Variants in COL12A1 observed in about 807,000 individuals in gnomAD.
COL12A1 encodes collagen type XII alpha 1 chain, also known as collagen alpha-1(XII) chain.
In COL12A1, 114 loss-of-function variants were observed where a neutral mutation model predicts 349.7. That is an observed-to-expected ratio of 0.33 (90% CI 0.28 to 0.38). COL12A1 has a LOEUF of 0.38. COL12A1 is among the 10% of genes least tolerant of loss of function. The pLI, the probability that COL12A1 is intolerant of heterozygous loss-of-function variation, is 1.00. For missense variants in COL12A1, 3,284 were observed against 3,756.9 expected, an observed-to-expected ratio of 0.87 and a Z score of 3.29; for synonymous variants, 1,369 against 1,329.0, an observed-to-expected ratio of 1.03 and a Z score of -0.66.
chr6:75,187,679 G>A (rs2026388), intron 8 of COL12A1, among the ~76,000 whole-genome samples: 1,976 of 152,218 alleles, frequency 0.013, 39 homozygotes, highest in African/African-American at 0.045. Flanking sequence ...GATTGAAGAT[G>A]TCACTATTTA....
chr6:75,150,635 C>A (rs1767433152), intron 21 of COL12A1, among the ~76,000 whole-genome samples: 2 of 151,916 alleles, frequency 1.3e-5, no homozygotes, highest in Admixed American at 6.6e-5. Context: ...AAAAAGGTAC[C>A]AAAACTGAGG....
intron 13 of COL12A1, 149 bp downstream of exon 13, chr6:75,174,889 G>A (rs1768832328): frequency 1.1e-6 from 1 of 929,860 alleles, no homozygotes; most frequent in African/African-American, 1.7e-5. Flanking sequence ...ATAACAGAGA[G>A]CTTTATGGTT....
At position 75,183,110 on chromosome 6, in the gene COL12A1, C is replaced by G. The variant is rs1478514196; in HGVS notation, c.1831G>C (p.Glu611Gln). 4 of 1,613,980 alleles carry G rather than the reference C, an allele frequency of 2.5e-6. No homozygotes were observed. Among genetic ancestry groups the G allele is most frequent in the Non-Finnish European group, 3.4e-6 (4 of 1,180,024 alleles). Residue 611 changes from glutamate to glutamine, a missense_variant, in exon 10 of 66, where the codon GAA (glutamate) becomes CAA (glutamine). Physicochemically the swap from Glu to Gln is conservative, Grantham distance 29. Coordinates refer to ENST00000322507, the MANE Select transcript of COL12A1 (RefSeq NM_004370.6). Reference protein sequence around the residue: ...DFDAFQRISFELTQSICLRIE... With the variant: ...DFDAFQRISFQLTQSICLRIE... ...CTAAGGCAGATAGACTGTGTGAGTT[C>G]AAAAGATATCCTCTGAAAAGCATCA...
intron 14 of COL12A1, 115 bp downstream of exon 14, chr6:75,165,392 T>C: frequency 1.5e-6 from 2 of 1,346,648 alleles, no homozygotes; most frequent in Non-Finnish European, 2.0e-6. Flanking sequence ...AATTCCTCAG[T>C]CTTCATTTAT....
chr6:75,173,432 A>C (rs1768747621), intron 13 of COL12A1, among the ~76,000 whole-genome samples: 1 of 151,468 alleles, frequency 6.6e-6, no homozygotes, highest in East Asian at 1.9e-4. Flanking sequence ...CCTGGAGTGC[A>C]ATGGTGCAAT....
chr6:75,174,912 A>G (rs1768834249), intron 13 of COL12A1, 126 bp downstream of exon 13: 3 of 1,090,216 alleles, frequency 2.8e-6, no homozygotes, highest in Non-Finnish European at 3.9e-6. Context: ...TTGTTTTTCA[A>G]TATGGATTCT....
chr6:75,198,098 G>C (rs1259508443), intron 2 of COL12A1, among the ~76,000 whole-genome samples: 1 of 152,136 alleles, frequency 6.6e-6, no homozygotes, highest in Non-Finnish European at 1.5e-5. Context: ...GGATTACATG[G>C]TCTGACTACA....
chr6:75,173,286 C>T (rs1582175276), intron 13 of COL12A1, among the ~76,000 whole-genome samples: 1 of 152,142 alleles, frequency 6.6e-6, no homozygotes. Flanking sequence ...GTTGTAAGTA[C>T]TTTAAACACT....
At chr6:75,123,181 G>A in intron 43 of COL12A1, 149 bp downstream of exon 43, 1 of 758,088 alleles carries the variant, frequency 1.3e-6, no homozygotes, top group Non-Finnish European at 2.2e-6. Flanking sequence ...CAAATTACTG[G>A]TTATCTTTTC....
At chr6:75,170,507 T>G (rs1029136507) in intron 13 of COL12A1, among the ~76,000 whole-genome samples, 1 of 152,242 alleles carries the variant, frequency 6.6e-6, no homozygotes, top group Non-Finnish European at 1.5e-5. Flanking sequence ...CTTTAAGCTA[T>G]GCACAGTTCT....
Position 75,147,741 on chromosome 6 carries a change from C to T in COL12A1, c.4351G>A (p.Val1451Ile). 1 of 1,613,542 alleles carries T rather than the reference C, an allele frequency of 6.2e-7. No individual in the cohort carries two copies. Among genetic ancestry groups the T allele is most frequent in the Non-Finnish European group, 8.5e-7 (1 of 1,179,596 alleles). Residue 1451 changes from valine to isoleucine, a missense_variant, in exon 23 of 66, where the codon GTT (valine) becomes ATT (isoleucine). By Grantham distance (29) the Val-to-Ile change is conservative (BLOSUM62 3). Coordinates refer to ENST00000322507, the MANE Select transcript of COL12A1 (RefSeq NM_004370.6). ...LKDLKPETEY[V>I]VNVYSVVEDE... ...TCTACCACAGAATACACATTGACAA[C>T]ATATTCAGTTTCAGGTTTCAGATCT...
chr6:75,112,789 A>G (rs537243913), intron 51 of COL12A1, among the ~76,000 whole-genome samples: 1 of 151,750 alleles, frequency 6.6e-6, no homozygotes, highest in South Asian at 2.1e-4. Context: ...AGCAGAAGAA[A>G]TATCAATTTC....
chr6:75,166,442 G>T (rs998485193), intron 13 of COL12A1, among the ~76,000 whole-genome samples: 1 of 152,144 alleles, frequency 6.6e-6, no homozygotes, highest in Non-Finnish European at 1.5e-5. Context: ...CATACCACTT[G>T]TTCTAGCTGA....
At chr6:75,089,867 A>G (rs546901680) in intron 63 of COL12A1, among the ~76,000 whole-genome samples, 92 of 152,326 alleles carry the variant, frequency 6.0e-4, no homozygotes, top group African/African-American at 1.9e-3. Flanking sequence ...AGTTTTTCCC[A>G]TTAAAAACAA....
At chr6:75,149,317 C>T (rs1265337316) in intron 21 of COL12A1, among the ~76,000 whole-genome samples, 2 of 152,078 alleles carry the variant, frequency 1.3e-5, no homozygotes, top group Non-Finnish European at 2.9e-5. Context: ...TTTCTATATA[C>T]TCATGTCTTC....
chr6:75,156,215 A>C, intron 15 of COL12A1, 42 bp downstream of exon 15: 26 of 1,589,808 alleles, frequency 1.6e-5, no homozygotes, highest in African/African-American at 4.0e-5. Context: ...CTTTTAAAAC[A>C]TTACCTTCTC....
intron 5 of COL12A1, among the ~76,000 whole-genome samples, chr6:75,190,768 G>C (rs896571434): frequency 6.6e-6 from 1 of 151,816 alleles, no homozygotes. Flanking sequence ...AATTTTGCAA[G>C]CCAAATAAAT....
At chr6:75,199,332 C>A (rs752584226) in intron 2 of COL12A1, among the ~76,000 whole-genome samples, 1 of 152,116 alleles carries the variant, frequency 6.6e-6, no homozygotes, top group East Asian at 1.9e-4. Flanking sequence ...CTATGTTAGC[C>A]TCTAGTTTGA....
At chr6:75,151,066 CCCCA>C in intron 21 of COL12A1, 71 bp downstream of exon 21, 1 of 460,490 alleles carries the variant, frequency 2.2e-6, no homozygotes, top group Non-Finnish European at 3.8e-6. Flanking sequence ...GTGCCCTCCC[CCCCA>C]CCCAAAAGAA....
Sources: gnomAD v4.1 joint callset for allele counts (sites outside exome capture counted in the v4.1 genomes callset) on GRCh38, gnomAD v4.1.1 for gene constraint, MANE v1.5 for transcripts, NCBI Gene and HGNC (gene_info 2026-07-23, HGNC 2026-07-21) for gene names.